TMPRSS6: variants seen among roughly 807,000 people sequenced by gnomAD.
The protein encoded by TMPRSS6 is transmembrane serine protease 6, also known as transmembrane protease serine 6.
In TMPRSS6, 67 loss-of-function variants were observed where a neutral mutation model predicts 101.5. The observed-to-expected ratio is 0.66, with a 90% confidence interval of 0.54 to 0.81. The LOEUF is 0.81. Ranked by LOEUF, TMPRSS6 falls within the 30% of genes least tolerant of loss-of-function variation. The probability of loss-of-function intolerance (pLI) is 0.00; values close to 1 mark genes in which losing one functional copy is unlikely to be tolerated. For synonymous variants in TMPRSS6, 453 were observed against 464.9 expected (o/e 0.97, Z 0.33); for missense variants, 1,034 against 1,088.7 (o/e 0.95, Z 0.71).
Position 37,096,209 on chromosome 22 carries a change from G to A in TMPRSS6, c.405-119C>T, listed in dbSNP as rs73421616. On this transcript the variant is annotated intron_variant, in intron 4 of 17. Coordinates refer to ENST00000676104, the MANE Select transcript of TMPRSS6 (RefSeq NM_001374504.1). ...CTCAGCCATTGCTGTCCGTCTTCAC[G>A]CAGAAGCCTCCTAGCGACCTCTGAA... 4.1e-3 allele frequency: 4,808 copies of A among 1,167,306 alleles called. 154 individuals carry two copies. In the African/African-American group the frequency reaches 0.063, roughly 15 times the overall value. 72.3% of individuals were successfully genotyped at this position (1,167,306 alleles called of 1,614,324 possible).
At chr22:37,097,895 T>A (rs228900) in intron 3 of TMPRSS6, among the ~76,000 whole-genome samples, 4,159 of 5,208 alleles carry the variant, frequency 0.8, 1,955 homozygotes, top group Admixed American at 0.88. Flanking sequence ...ACCGTCCTGT[T>A]ACGGAGGGGG....
intron 2 of TMPRSS6, among the ~76,000 whole-genome samples, chr22:37,100,002 T>C (rs945786298): frequency 6.6e-6 from 1 of 152,214 alleles, no homozygotes; most frequent in Non-Finnish European, 1.5e-5. Context: ...AGTTTCGCTC[T>C]TGTTGCCTAG....
intron 10 of TMPRSS6, among the ~76,000 whole-genome samples, chr22:37,080,421 A>G (rs1928172402): frequency 6.6e-6 from 1 of 152,190 alleles, no homozygotes; most frequent in African/African-American, 2.4e-5. Flanking sequence ...CTCTCCATCA[A>G]TGGGCATTCT....
At position 37,103,544 on chromosome 22, in the gene TMPRSS6, C is replaced by T. The variant is rs780461050; in HGVS notation, c.-1-126G>A. 33 of 1,613,848 alleles carry T rather than the reference C, an allele frequency of 2.0e-5. No individual in the cohort carries two copies. In the Middle Eastern group the frequency reaches 6.6e-4, roughly 32 times the overall value. Reference sequence around the variant, plus strand: ...GGAGTGGAAGAGTAACAACATCAGGCGGCAGTGACTGCAAGTGGGTGCCGA... The same window carrying T: ...GGAGTGGAAGAGTAACAACATCAGGTGGCAGTGACTGCAAGTGGGTGCCGA... On this transcript the variant is annotated intron_variant, in intron 1 of 17. Coordinates refer to ENST00000676104, the MANE Select transcript of TMPRSS6 (RefSeq NM_001374504.1). The surrounding 1 kb of genome is among the most constrained non-coding windows in gnomAD (Gnocchi z 4.4).
In TMPRSS6 at chr22:37,073,550, C is replaced by T. The variant is rs387907018; in HGVS notation, c.1537G>A (p.Glu513Lys). 2.9e-5 allele frequency: 46 copies of T among 1,613,458 alleles called. No individual in the cohort carries two copies. The highest frequency in any genetic ancestry group is 3.6e-5 in the Non-Finnish European group (43 of 1,179,550). The change falls in exon 13 of 18, where the codon GAA becomes AAA. Residue 513 changes from glutamate to lysine, a missense_variant. Glu to Lys is a moderately conservative substitution (Grantham distance 56). Coordinates refer to ENST00000676104, the MANE Select transcript of TMPRSS6 (RefSeq NM_001374504.1). ...GCCCTACCTTCCTGGCACTGCTCTT[C>T]GTCGCTGCCGTTGAGACAATCAGGC... ...GQPDCLNGSD[E>K]EQCQEGVPCG...
intron 6 of TMPRSS6, among the ~76,000 whole-genome samples, chr22:37,090,485 G>A (rs903658053): frequency 2.6e-5 from 4 of 152,204 alleles, no homozygotes; most frequent in African/African-American, 9.6e-5. Flanking sequence ...GCCCTGGGGG[G>A]AGGACATGAG....
Position 37,069,451 on chromosome 22 carries a change from GCCC to G in TMPRSS6, c.1842-110_1842-108del. ...TAGCCAGATCCCCGCCCGGGACAGT[GCCC>G]TCCACACCCAGCCCTCCCTTCCCTC... On this transcript the variant is annotated intron_variant, in intron 15 of 17. Transcript: ENST00000676104. The surrounding 1 kb of genome is among the most constrained non-coding windows in gnomAD (Gnocchi z 4.8). 1 of 1,108,964 alleles carries G rather than the reference GCCC, an allele frequency of 9.0e-7. No homozygotes were observed. The highest frequency in any genetic ancestry group is 1.3e-6 in the Non-Finnish European group (1 of 778,010). The allele number at this position is 1,108,964 out of a possible 1,614,324, so 68.7% of individuals were successfully genotyped here. A position where few individuals can be genotyped will look rare whatever the true frequency, so the allele number is the denominator to read the frequency against.
In TMPRSS6 at chr22:37,069,243, T is replaced by C. The variant is rs746537030; in HGVS notation, c.1943A>G (p.His648Arg). The change falls in exon 16 of 18, where the codon CAC becomes CGC. Residue 648 changes from histidine to arginine, a missense_variant. Transcript: ENST00000676104. This position sits in a 1 kb window ranked among gnomAD's most constrained non-coding sequence, Gnocchi z 4.8. ...ATGGCTGTCCTCTTCGTGGTACGGG[T>C]GCAGGAGCAGGCGGCTCACCTTGAA... The part of the protein sequence containing the change: ...VSFKVSRLLL[H>R]PYHEEDSHDY... The C allele has an allele frequency of 1.3e-5, 21 of 1,610,882 alleles. No individual in the cohort carries two copies. The highest frequency in any genetic ancestry group is 1.8e-5 in the Non-Finnish European group (21 of 1,179,410).
chr22:37,067,085 C>T (rs1176645273), intron 16 of TMPRSS6, 123 bp from the exon 17 acceptor site: 4 of 1,459,690 alleles, frequency 2.7e-6, no homozygotes, highest in Non-Finnish European at 3.7e-6. Flanking sequence ...CCCACCCTTA[C>T]CCCTGCTAGG....
At position 37,096,033 on chromosome 22, in the gene TMPRSS6, C is replaced by T. The variant is rs1569021570; in HGVS notation, c.462G>A (p.Arg154=). 1.2e-6 allele frequency: 2 copies of T among 1,614,224 alleles called. No homozygotes were observed. The highest frequency in any genetic ancestry group is 1.3e-5 in the African/African-American group (1 of 75,060). Residue 154 remains arginine, a synonymous_variant, in exon 5 of 18, where the codon CGG becomes CGA. Transcript: ENST00000676104. ...WFILQIPEHR[R]LMLSPEVVQA... Reference sequence around the variant, plus strand: ...GCACCACCTCGGGGCTCAGCATCAGCCGGCGGTGCTCGGGGATTTGGAGAA... The same window carrying T: ...GCACCACCTCGGGGCTCAGCATCAGTCGGCGGTGCTCGGGGATTTGGAGAA...
At position 37,095,811 on chromosome 22, in the gene TMPRSS6, C is replaced by T. The variant is rs1194350067; in HGVS notation, c.589+95G>A. 7 of 1,525,224 alleles carry T rather than the reference C, an allele frequency of 4.6e-6. No homozygotes were observed. In the East Asian group the frequency reaches 1.6e-4, roughly 35 times the overall value. 94.5% of individuals were successfully genotyped at this position (1,525,224 alleles called of 1,614,324 possible). The stretch of plus-strand genomic sequence containing the variant: ...TCCTGGGGGGCCCACCCTGACAGCA[C>T]CCCAGGCCTGGCAGGCAGCCTCCCC... On this transcript the variant is annotated intron_variant, in intron 5 of 17. Transcript: ENST00000676104.
intron 6 of TMPRSS6, 37 bp downstream of exon 6, chr22:37,095,514 A>C (rs777557184): frequency 2.5e-6 from 4 of 1,612,070 alleles, no homozygotes; most frequent in Middle Eastern, 1.7e-4. Context: ...ATGCCAACTC[A>C]AAAGGAAAAT....
At chr22:37,099,605 T>C (rs142439073) in intron 2 of TMPRSS6, among the ~76,000 whole-genome samples, 1 of 152,196 alleles carries the variant, frequency 6.6e-6, no homozygotes, top group Non-Finnish European at 1.5e-5. Context: ...GACAGAACTA[T>C]CAAGAAAAAA....
At position 37,103,692 on chromosome 22, in the gene TMPRSS6, G is replaced by T. The variant is rs1730774845; in HGVS notation, c.-1-274C>A. On this transcript the variant is annotated intron_variant, in intron 1 of 17. Coordinates refer to ENST00000676104, the MANE Select transcript of TMPRSS6 (RefSeq NM_001374504.1). The surrounding 1 kb of genome is among the most constrained non-coding windows in gnomAD (Gnocchi z 4.4). ...CTTCCCACTGGCTTCCCTATGGTCA[G>T]AGGACAGACGGAGGTCTCAGTACCT... 1 of 1,118,512 alleles carries T rather than the reference G, an allele frequency of 8.9e-7. No individual in the cohort carries two copies. Among genetic ancestry groups the T allele is most frequent in the Non-Finnish European group, 1.3e-6 (1 of 753,848 alleles). 69.3% of individuals were successfully genotyped at this position (1,118,512 alleles called of 1,614,324 possible). A position where few individuals can be genotyped will look rare whatever the true frequency, so the allele number is the denominator to read the frequency against.
At chr22:37,096,587 C>A (rs1274770620) in intron 4 of TMPRSS6, 61 bp downstream of exon 4, 16 of 1,522,550 alleles carry the variant, frequency 1.1e-5, no homozygotes, top group Non-Finnish European at 1.3e-5. Context: ...CTACAGAGGC[C>A]CCTCCCATTC....
At chr22:37,108,744 CTG>C (rs1930871518) in intron 1 of TMPRSS6, among the ~76,000 whole-genome samples, 1 of 152,176 alleles carries the variant, frequency 6.6e-6, no homozygotes, top group Non-Finnish European at 1.5e-5. Context: ...GCTGGGGAAA[CTG>C]AGGTAGAGAG....
chr22:37,069,039 C>A lies in TMPRSS6; in HGVS notation c.2113+34G>T. On this transcript the variant is annotated intron_variant, in intron 16 of 17. Coordinates refer to ENST00000676104, the MANE Select transcript of TMPRSS6 (RefSeq NM_001374504.1). This position sits in a 1 kb window ranked among gnomAD's most constrained non-coding sequence, Gnocchi z 4.8. Reference sequence around the variant, plus strand: ...TTACGGCGCAGATCCGCACGGTCTCCCTCCGCCTCCCGCCGCAAGTCCCCG... The same window carrying A: ...TTACGGCGCAGATCCGCACGGTCTCACTCCGCCTCCCGCCGCAAGTCCCCG... 1.3e-6 allele frequency: 2 copies of A among 1,533,906 alleles called. No individual in the cohort carries two copies. The highest frequency in any genetic ancestry group is 1.7e-6 in the Non-Finnish European group (2 of 1,146,396).
intron 6 of TMPRSS6, among the ~76,000 whole-genome samples, chr22:37,093,373 T>A (rs1317386060): frequency 7.0e-6 from 1 of 142,004 alleles, no homozygotes. Context: ...TTTCCTTTCC[T>A]TTCTTTCTTT....
At chr22:37,110,450 C>T (rs573504222), upstream of TMPRSS6, among the ~76,000 whole-genome samples, 52 of 152,170 alleles carry the variant, frequency 3.4e-4, 1 homozygote, top group South Asian at 0.01. Context: ...AGCATGAATT[C>T]CTACCTGGTT....
Sources: allele counts gnomAD v4.1 joint callset (sites outside exome capture counted in the v4.1 genomes callset), GRCh38; gene constraint gnomAD v4.1.1; non-coding constraint Gnocchi (gnomAD v3.1); transcripts MANE v1.5; gene names NCBI Gene and HGNC (gene_info 2026-07-23, HGNC 2026-07-21).